The following KIF5C variants were observed in gnomAD, a reference collection of about 807,000 sequenced individuals.
The protein encoded by KIF5C is kinesin heavy chain isoform 5C.
A neutral mutation model predicts 125.2 loss-of-function variants in KIF5C; 18 were observed. The observed-to-expected ratio is 0.14, with a 90% confidence interval of 0.10 to 0.21. The LOEUF (loss-of-function observed/expected upper bound fraction) is 0.21, where lower values mean the gene tolerates loss of function less well. KIF5C is among the 10% of genes least tolerant of loss of function. The probability of loss-of-function intolerance (pLI) is 1.00; values close to 1 mark genes in which losing one functional copy is unlikely to be tolerated. For synonymous variants in KIF5C, 405 were observed against 434.0 expected (o/e 0.93, Z 0.83); for missense variants, 780 against 1,183.8 (o/e 0.66, Z 5.01).
At chr2:148,926,067 C>T (rs1450888231) in intron 2 of KIF5C, among the ~76,000 whole-genome samples, 1 of 152,170 alleles carries the variant, frequency 6.6e-6, no homozygotes, top group Non-Finnish European at 1.5e-5. Flanking sequence ...CCTGGAGAGT[C>T]GGTAGGAAGC....
At chr2:149,019,629 G>T (rs1037272118) in intron 25 of KIF5C, among the ~76,000 whole-genome samples, 1 of 152,174 alleles carries the variant, frequency 6.6e-6, no homozygotes, top group Non-Finnish European at 1.5e-5. Context: ...ACAGCAGATT[G>T]TACCAAAGCT....
intron 1 of KIF5C, chr2:148,885,482 C>T (rs1328984121): frequency 1.3e-5 from 2 of 152,202 alleles, no homozygotes; most frequent in Non-Finnish European, 2.9e-5. Flanking sequence ...AGATCGCCAT[C>T]AACTACATTT....
chr2:149,006,440 G>A (rs1682010222), intron 22 of KIF5C, among the ~76,000 whole-genome samples: 1 of 152,140 alleles, frequency 6.6e-6, no homozygotes, highest in Admixed American at 6.5e-5. Flanking sequence ...CACATTTGAT[G>A]ACTTGGGTCT....
chr2:149,002,272 A>C (rs982357556), intron 21 of KIF5C, among the ~76,000 whole-genome samples: 8 of 152,192 alleles, frequency 5.3e-5, no homozygotes, highest in Non-Finnish European at 1.0e-4. Context: ...GTGAGCTCTC[A>C]GGCACTCTCA....
intron 3 of KIF5C, among the ~76,000 whole-genome samples, chr2:148,934,073 A>G (rs1366477245): frequency 7.0e-6 from 1 of 143,674 alleles, no homozygotes; most frequent in East Asian, 1.9e-4. Flanking sequence ...TACATCATAA[A>G]CACACACAGA....
rs559078875 is a variant in KIF5C at position 148,918,558 on chromosome 2, G to A, written c.127-3579G>A. Among the ~76,000 whole-genome samples, 3 of 152,320 alleles carry A rather than the reference G, an allele frequency of 2.0e-5. No homozygotes were observed. The East Asian group carries it at 5.8e-4, about 29-fold the overall frequency. Reference sequence around the variant, plus strand: ...AGAAATTTGAATTGAGTTCTAAAGAGTAGTGATAAGGAGACAGGTAAATGA... The same window carrying A: ...AGAAATTTGAATTGAGTTCTAAAGAATAGTGATAAGGAGACAGGTAAATGA... On this transcript the variant is annotated intron_variant, in intron 1 of 25. Transcript: ENST00000435030.
At chr2:148,877,839 GCAGAGC>G (rs1446000467) in intron 1 of KIF5C, 1 of 151,794 alleles carries the variant, frequency 6.6e-6, no homozygotes. Flanking sequence ...TGTATGCAAG[GCAGAGC>G]TCCTTAATTT....
Position 148,924,902 on chromosome 2 carries a change from C to T in KIF5C, c.217+2675C>T, listed in dbSNP as rs562677088. Among the ~76,000 whole-genome samples, 6 of 152,242 alleles carry T rather than the reference C, an allele frequency of 3.9e-5. No homozygotes were observed. The South Asian group carries it at 1.2e-3, about 32-fold the overall frequency. On this transcript the variant is annotated intron_variant, in intron 2 of 25. Coordinates refer to ENST00000435030, the MANE Select transcript of KIF5C (RefSeq NM_004522.3). This position sits in a 1 kb window ranked among gnomAD's most constrained non-coding sequence, Gnocchi z 4.0. The stretch of plus-strand genomic sequence containing the variant: ...TTCTGTAAGTAGTAATAAGTACTTA[C>T]CGTGGGGTAAGCAGTGCTGGGACTG...
intron 1 of KIF5C, 96 bp from the exon 2 acceptor site, chr2:148,922,041 T>C (rs1681806570): frequency 2.8e-6 from 2 of 719,016 alleles, no homozygotes; most frequent in Admixed American, 5.5e-5. Flanking sequence ...GGTGACTTAG[T>C]GCCTATGGCC....
At chr2:149,022,459 C>T (rs1354908935) in intron 25 of KIF5C, among the ~76,000 whole-genome samples, 5 of 151,452 alleles carry the variant, frequency 3.3e-5, no homozygotes, top group Admixed American at 6.6e-5. Flanking sequence ...AGATTGCAAA[C>T]ACTATTGTGT....
chr2:149,014,090 T>C (rs1008465514), intron 25 of KIF5C, among the ~76,000 whole-genome samples: 4 of 152,194 alleles, frequency 2.6e-5, no homozygotes, highest in Admixed American at 1.3e-4. Context: ...AATGGCATGA[T>C]CTTGGCTCAC....
Position 148,882,125 on chromosome 2 carries a change from CTA to C in KIF5C, c.126+6384_126+6385del, listed in dbSNP as rs1437665141. ...ATATCATGGAGAACTCGGGAGAAAA[CTA>C]TTTTAGATTCACCGTGGCGTCTTCA... is the stretch of plus-strand genomic sequence containing the variant. On this transcript the variant is annotated intron_variant, in intron 1 of 25. Coordinates refer to ENST00000435030, the MANE Select transcript of KIF5C (RefSeq NM_004522.3). 3.9e-5 allele frequency among the ~76,000 whole-genome samples: 6 copies of C among 152,226 alleles called. No individual in the cohort carries two copies. In the East Asian group the frequency reaches 1.2e-3, roughly 29 times the overall value.
rs1359024848 is a variant in KIF5C, at chr2:148,957,789, A to AT, written c.969-4173dup. Among the ~76,000 whole-genome samples, 57 of 151,390 alleles carry AT rather than the reference A, an allele frequency of 3.8e-4. No homozygotes were observed. The Middle Eastern group carries it at 0.021, about 55-fold the overall frequency. ...ATACATAAACTTAAGTGCATAACTA[A>AT]TTTTTTTTTATAAATATATATACAC... On this transcript the variant is annotated intron_variant, in intron 10 of 25. Coordinates refer to ENST00000435030, the MANE Select transcript of KIF5C (RefSeq NM_004522.3).
intron 25 of KIF5C, among the ~76,000 whole-genome samples, chr2:149,018,928 T>A (rs1682450935): frequency 6.6e-6 from 1 of 152,152 alleles, no homozygotes; most frequent in Non-Finnish European, 1.5e-5. Flanking sequence ...AGCAAAATAT[T>A]TAGAATACTG....
intron 1 of KIF5C, among the ~76,000 whole-genome samples, chr2:148,907,254 G>T (rs1430272473): frequency 6.6e-6 from 1 of 152,174 alleles, no homozygotes; most frequent in South Asian, 2.1e-4. Context: ...CTGGCCATGT[G>T]GGGGGAAGTG....
At chr2:148,891,607 T>C (rs2105046731) in intron 1 of KIF5C, among the ~76,000 whole-genome samples, 1 of 152,338 alleles carries the variant, frequency 6.6e-6, no homozygotes, top group Non-Finnish European at 1.5e-5. Context: ...CTTCCTCGCT[T>C]GTGAAATATT....
intron 1 of KIF5C, among the ~76,000 whole-genome samples, chr2:148,916,865 G>A (rs1253642649): frequency 6.6e-6 from 1 of 152,168 alleles, no homozygotes; most frequent in African/African-American, 2.4e-5. Context: ...AGGAGGTCTG[G>A]ATGCGAGGCA....
chr2:148,915,480 GA>G (rs1558890232), intron 1 of KIF5C, among the ~76,000 whole-genome samples: 1 of 152,190 alleles, frequency 6.6e-6, no homozygotes. Context: ...TTTTATGAAG[GA>G]AAAGGTGTAC....
chr2:148,881,516 T>TC (rs2105034825), intron 1 of KIF5C, among the ~76,000 whole-genome samples: 1 of 152,194 alleles, frequency 6.6e-6, no homozygotes, highest in South Asian at 2.1e-4. Flanking sequence ...TTTCCCCCTT[T>TC]CCCTGCCTGA....
Sources: allele counts gnomAD v4.1 joint callset (sites outside exome capture counted in the v4.1 genomes callset), GRCh38; gene constraint gnomAD v4.1.1; non-coding constraint Gnocchi (gnomAD v3.1); transcripts MANE v1.5; gene names NCBI Gene and HGNC (gene_info 2026-07-23, HGNC 2026-07-21).